NMU: variants seen among roughly 807,000 people sequenced by gnomAD.
The protein encoded by NMU is neuromedin-U.
NMU carries 29 observed loss-of-function variants against 35.4 expected under a neutral mutation model. That is an observed-to-expected ratio of 0.82 (90% CI 0.61 to 1.12). The LOEUF (loss-of-function observed/expected upper bound fraction) is 1.12, where lower values mean the gene tolerates loss of function less well. Ranked by LOEUF, NMU falls within the 50% of genes most tolerant of loss-of-function variation. The pLI is 0.00. For missense variants in NMU, 199 were observed against 206.2 expected (o/e 0.97, Z 0.21); for synonymous variants, 78 against 81.3 (o/e 0.96, Z 0.22).
At chr4:55,612,845 A>G (rs2110197267) in intron 3 of NMU, among the ~76,000 whole-genome samples, 1 of 152,322 alleles carries the variant, frequency 6.6e-6, no homozygotes, top group Non-Finnish European at 1.5e-5. Flanking sequence ...CTACTTGGTA[A>G]AAATGTTTCA....
intron 6 of NMU, 34 bp downstream of exon 6, chr4:55,607,264 T>A: frequency 1.4e-6 from 2 of 1,469,640 alleles, no homozygotes; most frequent in South Asian, 2.3e-5. Flanking sequence ...TAAACAAATA[T>A]TAGTGATTAC....
At chr4:55,603,805 G>A (rs776113689) in intron 7 of NMU, among the ~76,000 whole-genome samples, 2 of 149,556 alleles carry the variant, frequency 1.3e-5, no homozygotes, top group East Asian at 4.1e-4. Context: ...CCAGCTCCTC[G>A]GGAGGCTGAG....
Position 55,600,844 on chromosome 4 carries a change from C to A in NMU, c.436-269G>T, listed in dbSNP as rs182025406. On this transcript the variant is annotated intron_variant, in intron 7 of 9. Transcript: ENST00000264218. ...TTTTGTCAGTTTTAGGTGAATTCAT[C>A]AATAAGTAGAAAGAGAAATGACAGA... Among the ~76,000 whole-genome samples, 5 of 152,070 alleles carry A rather than the reference C, an allele frequency of 3.3e-5. No individual in the cohort carries two copies. The East Asian group carries it at 9.7e-4, about 29-fold the overall frequency.
chr4:55,626,269 C>A (rs929939292), intron 2 of NMU, among the ~76,000 whole-genome samples: 2 of 152,148 alleles, frequency 1.3e-5, no homozygotes, highest in Non-Finnish European at 2.9e-5. Flanking sequence ...GTTTGTTAAC[C>A]TTTTGAACTT....
intron 2 of NMU, among the ~76,000 whole-genome samples, chr4:55,617,580 G>C (rs1392728366): frequency 6.6e-6 from 1 of 152,042 alleles, no homozygotes; most frequent in African/African-American, 2.4e-5. Context: ...CCCAGAATAA[G>C]TGTTCAACAA....
intron 8 of NMU, 36 bp downstream of exon 8, chr4:55,600,486 G>A (rs62310886): frequency 0.093 from 125,167 of 1,347,208 alleles, 6,852 homozygotes; most frequent in Middle Eastern, 0.19. Context: ...AAATTTTGGT[G>A]TAGATTGATT....
At chr4:55,598,487 TG>T (rs1439720527) in intron 9 of NMU, among the ~76,000 whole-genome samples, 1 of 152,202 alleles carries the variant, frequency 6.6e-6, no homozygotes, top group Non-Finnish European at 1.5e-5. Context: ...AATCTGCATT[TG>T]GGTTTGATTT....
rs750676992 is a variant in NMU, at chr4:55,609,225, A to G, written c.220-46T>C. The G allele has an allele frequency of 4.3e-5, 62 of 1,436,440 alleles. 1 individual carries two copies. The highest frequency in any genetic ancestry group is 5.8e-5 in the Non-Finnish European group (59 of 1,017,536). 89.0% of individuals were successfully genotyped at this position (1,436,440 alleles called of 1,614,324 possible). On this transcript the variant is annotated intron_variant, in intron 3 of 9. Transcript: ENST00000264218. ...TGTAAGTTATGCTTCTGCTTTAACG[A>G]CATTTACATAGAAGAGGTAACTACA...
intron 1 of NMU, among the ~76,000 whole-genome samples, chr4:55,631,389 C>T (rs979795782): frequency 2.0e-5 from 3 of 152,064 alleles, no homozygotes; most frequent in Admixed American, 6.6e-5. Context: ...AAACAGACAA[C>T]CCACAGAGTA....
intron 6 of NMU, among the ~76,000 whole-genome samples, chr4:55,606,775 A>G (rs1441019325): frequency 3.3e-5 from 5 of 149,966 alleles, no homozygotes; most frequent in Admixed American, 6.7e-5. Flanking sequence ...CCTCCTGGGT[A>G]CAAGCAATTC....
chr4:55,636,435 C>A, upstream of NMU: 2 of 509,770 alleles, frequency 3.9e-6, no homozygotes, highest in Non-Finnish European at 6.4e-6. The surrounding 1 kb of genome is among the most constrained non-coding windows in gnomAD (Gnocchi z 4.0). Flanking sequence ...TGCCCGCGCC[C>A]CACCCTGCAG....
rs1019235473 is a variant in NMU at position 55,604,729 on chromosome 4, C to T, written c.435+546G>A. ...TGTATTTTTAGTAGGGACGGGGTTT[C>T]GCCATGTTGCCAAGGCTGGTCTTGA... On this transcript the variant is annotated intron_variant, in intron 7 of 9. Coordinates refer to ENST00000264218, the MANE Select transcript of NMU (RefSeq NM_006681.4). 1.1e-4 allele frequency among the ~76,000 whole-genome samples: 11 copies of T among 100,466 alleles called. 1 individual carries two copies. The highest frequency in any genetic ancestry group is 3.4e-4 in the African/African-American group (9 of 26,358). 65.9% of individuals were successfully genotyped at this position (100,466 alleles called of 152,430 possible).
chr4:55,618,873 T>C (rs1258469973), intron 2 of NMU, among the ~76,000 whole-genome samples: 2 of 150,736 alleles, frequency 1.3e-5, no homozygotes, highest in East Asian at 3.9e-4. Context: ...TCTTTCTTTC[T>C]TTCTCTCTTT....
intron 9 of NMU, among the ~76,000 whole-genome samples, 196 bp downstream of exon 9, chr4:55,598,946 C>A (rs988172288): frequency 2.0e-5 from 3 of 152,066 alleles, no homozygotes; most frequent in African/African-American, 4.8e-5. Context: ...TTTCTCATTA[C>A]AATAAAGCCC....
chr4:55,633,669 A>G (rs1014697809), intron 1 of NMU, among the ~76,000 whole-genome samples: 3 of 152,274 alleles, frequency 2.0e-5, no homozygotes, highest in African/African-American at 7.2e-5. Flanking sequence ...TACATTATGT[A>G]TAAGAAAGAC....
At chr4:55,600,450 G>A in intron 8 of NMU, 72 bp downstream of exon 8, 1 of 1,015,622 alleles carries the variant, frequency 9.8e-7, no homozygotes, top group Non-Finnish European at 1.5e-6. Flanking sequence ...AAATGTAAAA[G>A]TTAAATACAC....
intron 6 of NMU, among the ~76,000 whole-genome samples, chr4:55,605,917 T>C (rs1401938934): frequency 6.6e-6 from 1 of 152,202 alleles, no homozygotes; most frequent in Non-Finnish European, 1.5e-5. Flanking sequence ...AATGTAAAGG[T>C]GTCAAGCCAA....
chr4:55,618,266 T>C (rs1024026180), intron 2 of NMU, among the ~76,000 whole-genome samples: 6 of 152,192 alleles, frequency 3.9e-5, no homozygotes, highest in Non-Finnish European at 8.8e-5. Context: ...GTTTGTTACA[T>C]AGGTATACAC....
chr4:55,603,267 C>CGGA (rs2110184953), intron 7 of NMU, among the ~76,000 whole-genome samples: 1 of 152,068 alleles, frequency 6.6e-6, no homozygotes, highest in East Asian at 1.9e-4. Flanking sequence ...CCACCTCGGG[C>CGGA]TCCCAAAGTG....
Sources: allele counts gnomAD v4.1 joint callset (sites outside exome capture counted in the v4.1 genomes callset), GRCh38; gene constraint gnomAD v4.1.1; non-coding constraint Gnocchi (gnomAD v3.1); transcripts MANE v1.5; gene names NCBI Gene and HGNC (gene_info 2026-07-23, HGNC 2026-07-21).